AACS: variants seen among roughly 807,000 people sequenced by gnomAD.
AACS encodes the protein acetoacetate-CoA ligase.
Under a neutral mutation model 83.1 loss-of-function variants are expected in AACS, and 69 were observed. That is an observed-to-expected ratio of 0.83 (90% CI 0.68 to 1.01). The LOEUF (loss-of-function observed/expected upper bound fraction) is 1.01, where lower values mean the gene tolerates loss of function less well. AACS is among the 50% of genes least tolerant of loss of function. The probability of loss-of-function intolerance (pLI) is 0.00; values close to 1 mark genes in which losing one functional copy is unlikely to be tolerated. For missense variants in AACS, 866 were observed against 882.2 expected (o/e 0.98, Z 0.23); for synonymous variants, 333 against 343.4 (o/e 0.97, Z 0.33).
In AACS at chr12:125,091,969, G is replaced by A. The variant is rs113975918; in HGVS notation, c.570+446G>A. On this transcript the variant is annotated intron_variant, in intron 5 of 17. Transcript: ENST00000316519. ...GTTACCAGCCCCTTCCTCTGGACCC[G>A]TACTGTGTGGGTGTGCACTCCGGGA... Among the ~76,000 whole-genome samples the A allele has an allele frequency of 9.2e-4, 140 of 152,314 alleles. 2 individuals are homozygous for A. The highest frequency in any genetic ancestry group is 2.8e-3 in the African/African-American group (117 of 41,574).
intron 1 of AACS, among the ~76,000 whole-genome samples, chr12:125,069,810 T>C (rs771827422): frequency 6.6e-6 from 1 of 152,218 alleles, no homozygotes; most frequent in Non-Finnish European, 1.5e-5. Flanking sequence ...TGTTCTCAAA[T>C]AGCTCCGGGT....
intron 3 of AACS, among the ~76,000 whole-genome samples, chr12:125,080,929 G>A (rs971379360): frequency 7.2e-5 from 11 of 152,050 alleles, no homozygotes; most frequent in South Asian, 6.2e-4. Flanking sequence ...CTGACCTCGT[G>A]ATCCACCCGC....
At chr12:125,128,742 A>G (rs1006807139) in intron 13 of AACS, 20 of 155,442 alleles carry the variant, frequency 1.3e-4, no homozygotes, top group Admixed American at 1.2e-3. Flanking sequence ...CTGAAGATGC[A>G]TACGTGCCCT....
At position 125,115,901 on chromosome 12, in the gene AACS, C is replaced by G. The variant is rs192539999; in HGVS notation, c.996+1344C>G. On this transcript the variant is annotated intron_variant, in intron 9 of 17. Transcript: ENST00000316519. ...GACCCCTGAGACCTCACACATACAC[C>G]CGTGCAGGGGACAGACCCCTGGGAT... is the stretch of plus-strand genomic sequence containing the variant. Among the ~76,000 whole-genome samples the G allele has an allele frequency of 4.8e-3, 730 of 151,988 alleles. 3 individuals are homozygous for G. The highest frequency in any genetic ancestry group is 7.2e-3 in the Non-Finnish European group (492 of 67,940).
At position 125,094,370 on chromosome 12, in the gene AACS, A is replaced by T. The variant is rs574941537; in HGVS notation, c.570+2847A>T. 2.6e-5 allele frequency among the ~76,000 whole-genome samples: 4 copies of T among 152,240 alleles called. No homozygotes were observed. The East Asian group carries it at 7.7e-4, about 29-fold the overall frequency. On this transcript the variant is annotated intron_variant, in intron 5 of 17. Transcript: ENST00000316519. The surrounding 1 kb of genome is among the most constrained non-coding windows in gnomAD (Gnocchi z 4.1). Reference sequence around the variant, plus strand: ...AATTATATTTCTTTGAATCTCAGAGAATATCGTAAAGGGAAATTGCCACTC... The same window carrying T: ...AATTATATTTCTTTGAATCTCAGAGTATATCGTAAAGGGAAATTGCCACTC...
chr12:125,065,443 G>T lies in AACS; in HGVS notation c.-142G>T. On this transcript the variant is annotated 5_prime_UTR_variant, in exon 1 of 18. Transcript: ENST00000316519. The stretch of plus-strand genomic sequence containing the variant: ...GGCGGCGGCGGCCGTTCAGTCCCTT[G>T]TTCCCCGCCGCCGCCGTCGCTGACC... 1 of 929,968 alleles carries T rather than the reference G, an allele frequency of 1.1e-6. No individual in the cohort carries two copies. Among genetic ancestry groups the T allele is most frequent in the Non-Finnish European group, 1.5e-6 (1 of 681,094 alleles). The allele number at this position is 929,968 out of a possible 1,614,324, so 57.6% of individuals were successfully genotyped here.
At chr12:125,084,645 C>T (rs1293234989) in intron 3 of AACS, among the ~76,000 whole-genome samples, 1 of 151,126 alleles carries the variant, frequency 6.6e-6, no homozygotes, top group African/African-American at 2.4e-5. Context: ...GTGGTGTGAT[C>T]TCAGCTCATG....
chr12:125,106,895 A>C (rs1412515245), intron 7 of AACS, among the ~76,000 whole-genome samples: 1 of 152,220 alleles, frequency 6.6e-6, no homozygotes, highest in Non-Finnish European at 1.5e-5. Context: ...TGATTAAGCA[A>C]CTTGAAACCT....
intron 12 of AACS, among the ~76,000 whole-genome samples, chr12:125,125,421 A>G (rs573364247): frequency 4.6e-5 from 7 of 152,250 alleles, no homozygotes; most frequent in Admixed American, 3.9e-4. Context: ...GGAAGACAGC[A>G]CCCTGCCCCA....
At chr12:125,099,016 T>G (rs1425168049) in intron 5 of AACS, among the ~76,000 whole-genome samples, 1 of 152,228 alleles carries the variant, frequency 6.6e-6, no homozygotes, top group Non-Finnish European at 1.5e-5. Flanking sequence ...ACTGGACATC[T>G]TATCTTTTAC....
intron 8 of AACS, among the ~76,000 whole-genome samples, chr12:125,112,322 C>G (rs73423533): frequency 6.6e-6 from 1 of 152,028 alleles, no homozygotes; most frequent in Admixed American, 6.5e-5. Context: ...TTCCAGAGCC[C>G]GGAGGCAGCC....
At chr12:125,090,147 C>CG (rs1956439189) in intron 4 of AACS, among the ~76,000 whole-genome samples, 1 of 10,832 alleles carries the variant, frequency 9.2e-5, no homozygotes, top group Non-Finnish European at 1.7e-4. Context: ...TCACCATCAT[C>CG]CATCCATCTA....
chr12:125,107,368 C>T, intron 8 of AACS, 100 bp downstream of exon 8: 1 of 1,476,226 alleles, frequency 6.8e-7, no homozygotes, highest in Non-Finnish European at 9.2e-7. Flanking sequence ...TCAAACTGCA[C>T]CCCATCCCCG....
At chr12:125,089,287 T>C (rs1956408981) in intron 4 of AACS, among the ~76,000 whole-genome samples, 1 of 152,042 alleles carries the variant, frequency 6.6e-6, no homozygotes. Flanking sequence ...GGGAGTCGCG[T>C]GTGAATCCAG....
rs73421896 is a variant in AACS, at chr12:125,097,877, C to T, written c.571-4802C>T. ...CCCTACCGTTGGCTGTTCTTGCCGC[C>T]TCTCCACTGTCCTCCTTCATACGTT... On this transcript the variant is annotated intron_variant, in intron 5 of 17. Coordinates refer to ENST00000316519, the MANE Select transcript of AACS (RefSeq NM_023928.5). This position sits in a 1 kb window ranked among gnomAD's most constrained non-coding sequence, Gnocchi z 4.3. Among the ~76,000 whole-genome samples, 5,304 of 152,280 alleles carry T rather than the reference C, an allele frequency of 0.035. 192 individuals carry two copies. Among genetic ancestry groups the T allele is most frequent in the East Asian group, 0.092 (476 of 5,182 alleles).
Position 125,118,757 on chromosome 12 carries a change from C to A in AACS, c.1113C>A (p.Asp371Glu), listed in dbSNP as rs774150870. 6.2e-7 allele frequency: 1 copy of A among 1,614,084 alleles called. No homozygotes were observed. The highest frequency in any genetic ancestry group is 8.5e-7 in the Non-Finnish European group (1 of 1,179,968). The change falls in exon 10 of 18, where the codon GAC becomes GAA. Residue 371 changes from aspartate (D) to glutamate (E), a missense_variant. Coordinates refer to ENST00000316519, the MANE Select transcript of AACS (RefSeq NM_023928.5). ...PTPNVLWDLV[D>E]RIGITVLVTG... ...CCAATGTGCTCTGGGACCTGGTTGA[C>A]AGGATAGGGTAGGTACCAAGATGCT... is the stretch of plus-strand genomic sequence containing the variant.
At chr12:125,141,391 A>G (rs1371482594) in intron 17 of AACS, 1 of 152,526 alleles carries the variant, frequency 6.6e-6, no homozygotes, top group Non-Finnish European at 1.5e-5. Context: ...AGCGTTAGAA[A>G]AATGAACATG....
Position 125,073,929 on chromosome 12 carries a change from G to A in AACS, c.187G>A (p.Ala63Thr). Reference sequence around the variant, plus strand: ...CGTTGAGTCATATTCAGACTTCTGGGCAGAGTTCTGGAAATTCAGTGGAAT... The same window carrying A: ...CGTTGAGTCATATTCAGACTTCTGGACAGAGTTCTGGAAATTCAGTGGAAT... ...WSVESYSDFW[A>T]EFWKFSGIVF... Residue 63 changes from alanine to threonine, a missense_variant, in exon 2 of 18, where the codon GCA (alanine) becomes ACA (threonine). By Grantham distance (58) the Ala-to-Thr change is moderately conservative. Coordinates refer to ENST00000316519, the MANE Select transcript of AACS (RefSeq NM_023928.5). 6.2e-7 allele frequency: 1 copy of A among 1,614,152 alleles called. No homozygotes were observed. The highest frequency in any genetic ancestry group is 8.5e-7 in the Non-Finnish European group (1 of 1,180,002).
At chr12:125,091,659 C>T (rs1032514623) in intron 5 of AACS, 136 bp downstream of exon 5, 17 of 839,054 alleles carry the variant, frequency 2.0e-5, no homozygotes, top group Non-Finnish European at 2.5e-5. Flanking sequence ...GCAGCTGCCT[C>T]TATGGGGAAA....
Sources: allele counts gnomAD v4.1 joint callset (sites outside exome capture counted in the v4.1 genomes callset), GRCh38; gene constraint gnomAD v4.1.1; non-coding constraint Gnocchi (gnomAD v3.1); transcripts MANE v1.5; gene names NCBI Gene and HGNC (gene_info 2026-07-23, HGNC 2026-07-21).